PDE4B: variants seen among roughly 807,000 people sequenced by gnomAD.
PDE4B encodes the protein phosphodiesterase 4B.
Under a neutral mutation model 82.2 loss-of-function variants are expected in PDE4B, and 20 were observed. The ratio of observed to expected loss-of-function variants is 0.24; its 90% confidence interval spans 0.17 to 0.35. PDE4B has a LOEUF of 0.35. PDE4B is among the 10% of genes least tolerant of loss of function. The pLI is 1.00. For synonymous variants in PDE4B, 320 were observed against 318.9 expected (o/e 1.00, Z -0.04); for missense variants, 655 against 907.2 (o/e 0.72, Z 3.57).
chr1:66,161,317 TTTG>T (rs1646609166), intron 3 of PDE4B, among the ~76,000 whole-genome samples: 1 of 152,020 alleles, frequency 6.6e-6, no homozygotes, highest in South Asian at 2.1e-4. Flanking sequence ...CAATGGTCTT[TTTG>T]TTTTCTTTTT....
chr1:66,260,846 C>T (rs1272567434), intron 6 of PDE4B, among the ~76,000 whole-genome samples: 5 of 152,180 alleles, frequency 3.3e-5, no homozygotes, highest in Non-Finnish European at 7.3e-5. Context: ...CACAGCCCTT[C>T]CCACACTCTG....
intron 8 of PDE4B, among the ~76,000 whole-genome samples, chr1:66,334,166 G>C (rs1443679107): frequency 1.3e-5 from 2 of 152,110 alleles, no homozygotes; most frequent in Non-Finnish European, 2.9e-5. Context: ...ACATTTATGG[G>C]GTAGTTTTTC....
intron 7 of PDE4B, among the ~76,000 whole-genome samples, chr1:66,329,538 T>C (rs1239737235): frequency 1.3e-5 from 2 of 152,208 alleles, no homozygotes; most frequent in Admixed American, 6.5e-5. Flanking sequence ...AAATCCCTTA[T>C]TGAATGTGCA....
Position 65,841,565 on chromosome 1 carries a change from T to C in PDE4B, c.-71+48317T>C, listed in dbSNP as rs549545648. ...CCAAAAACGGGTTATGAACCAGAAG[T>C]CGCAGTCATCTAAGGCTTCAAGGGA... On this transcript the variant is annotated intron_variant, in intron 1 of 16. Transcript: ENST00000341517. Among the ~76,000 whole-genome samples the C allele has an allele frequency of 1.2e-3, 180 of 152,206 alleles. 1 individual carries two copies. The highest frequency in any genetic ancestry group is 4.2e-3 in the African/African-American group (176 of 41,552).
intron 3 of PDE4B, among the ~76,000 whole-genome samples, chr1:66,234,725 A>G (rs1265508398): frequency 6.6e-6 from 1 of 151,392 alleles, no homozygotes; most frequent in Admixed American, 6.6e-5. Flanking sequence ...AGGTTTGTCA[A>G]TTTTATTGAT....
chr1:66,171,659 C>A (rs1646838695), intron 3 of PDE4B, among the ~76,000 whole-genome samples: 1 of 152,116 alleles, frequency 6.6e-6, no homozygotes, highest in African/African-American at 2.4e-5. Context: ...TTGAAAATTA[C>A]AGCTTGTTTA....
chr1:65,831,399 A>G (rs1006886904), intron 1 of PDE4B, among the ~76,000 whole-genome samples: 5 of 152,182 alleles, frequency 3.3e-5, no homozygotes, highest in Non-Finnish European at 7.4e-5. Context: ...AGGAGACCTT[A>G]TAACCAATTG....
intron 3 of PDE4B, among the ~76,000 whole-genome samples, 184 bp from the exon 4 acceptor site, chr1:66,247,276 A>T (rs1653390910): frequency 6.6e-6 from 1 of 152,234 alleles, no homozygotes; most frequent in African/African-American, 2.4e-5. Flanking sequence ...TTTCCTATAC[A>T]TAACATGAAA....
rs773366509 is a variant in PDE4B at position 66,307,448 on chromosome 1, A to G, written c.635-25060A>G. 1.8e-4 allele frequency among the ~76,000 whole-genome samples: 28 copies of G among 152,170 alleles called. 1 individual carries two copies. The highest frequency in any genetic ancestry group is 7.2e-4 in the Admixed American group (11 of 15,264). ...AGCAGATGGTTAAAAGCGGAGATAG[A>G]GAAGCCTCCACAGCACAAAGTGGTG... On this transcript the variant is annotated intron_variant, in intron 7 of 16. Coordinates refer to ENST00000341517, the MANE Select transcript of PDE4B (RefSeq NM_002600.4).
chr1:66,108,409 C>T (rs1370241996), intron 3 of PDE4B, among the ~76,000 whole-genome samples: 1 of 151,876 alleles, frequency 6.6e-6, no homozygotes, highest in Non-Finnish European at 1.5e-5. Context: ...GGATATGATC[C>T]AAAAAGCACA....
At chr1:66,122,521 T>C (rs1645730739) in intron 3 of PDE4B, among the ~76,000 whole-genome samples, 1 of 152,296 alleles carries the variant, frequency 6.6e-6, no homozygotes, top group Middle Eastern at 3.4e-3. Context: ...ATTATTGGAC[T>C]ATGACTGATT....
At chr1:65,886,559 C>T (rs1441940829) in intron 1 of PDE4B, among the ~76,000 whole-genome samples, 1 of 152,134 alleles carries the variant, frequency 6.6e-6, no homozygotes, top group Non-Finnish European at 1.5e-5. Context: ...CCTTCTCAGC[C>T]TCTGGTATCT....
intron 7 of PDE4B, among the ~76,000 whole-genome samples, chr1:66,313,261 C>T (rs968107371): frequency 2.0e-5 from 3 of 152,126 alleles, no homozygotes; most frequent in Non-Finnish European, 4.4e-5. Flanking sequence ...CATGCCCATC[C>T]AAGGAGAAGT....
At chr1:65,805,204 A>T (rs1645741465) in intron 1 of PDE4B, among the ~76,000 whole-genome samples, 1 of 152,176 alleles carries the variant, frequency 6.6e-6, no homozygotes, top group African/African-American at 2.4e-5. Flanking sequence ...AACTCAGGTG[A>T]TCTACCCACC....
chr1:65,986,856 C>T (rs541758294), intron 3 of PDE4B, among the ~76,000 whole-genome samples: 2 of 151,894 alleles, frequency 1.3e-5, no homozygotes, highest in Non-Finnish European at 2.9e-5. Flanking sequence ...TAGGGGAGGT[C>T]GGTAGGTTTA....
chr1:66,365,828 C>A, intron 13 of PDE4B, 62 bp downstream of exon 13: 1 of 925,716 alleles, frequency 1.1e-6, no homozygotes, highest in Non-Finnish European at 1.7e-6. Context: ...TAATTTTTTT[C>A]CTCCTAATGT....
At chr1:65,849,674 G>A (rs1646307770) in intron 1 of PDE4B, among the ~76,000 whole-genome samples, 1 of 151,976 alleles carries the variant, frequency 6.6e-6, no homozygotes, top group African/African-American at 2.4e-5. Flanking sequence ...ATGAGAACAT[G>A]TCATATACTT....
intron 1 of PDE4B, among the ~76,000 whole-genome samples, chr1:65,839,362 T>C (rs1247113055): frequency 6.6e-6 from 1 of 152,144 alleles, no homozygotes; most frequent in Non-Finnish European, 1.5e-5. Context: ...GGTGGTTTGC[T>C]GCACCCATAA....
chr1:66,228,452 A>G (rs1055787592), intron 3 of PDE4B, among the ~76,000 whole-genome samples: 3 of 151,916 alleles, frequency 2.0e-5, no homozygotes, highest in Non-Finnish European at 2.9e-5. Context: ...GTGAAACCCC[A>G]TCTCTACTAA....
Sources: gnomAD v4.1 joint callset for allele counts (sites outside exome capture counted in the v4.1 genomes callset) on GRCh38, gnomAD v4.1.1 for gene constraint, MANE v1.5 for transcripts, NCBI Gene and HGNC (gene_info 2026-07-23, HGNC 2026-07-21) for gene names.